The following HDAC4 variants were observed in gnomAD, a reference collection of about 807,000 sequenced individuals.
HDAC4 encodes the protein histone deacetylase A.
HDAC4 carries 16 observed loss-of-function variants against 135.1 expected under a neutral mutation model. That is an observed-to-expected ratio of 0.12 (90% CI 0.08 to 0.18). The LOEUF is 0.18. Ranked by LOEUF, HDAC4 falls within the 10% of genes least tolerant of loss-of-function variation. HDAC4 has a pLI of 1.00. For missense variants in HDAC4, 1,143 were observed against 1,511.8 expected (o/e 0.76, Z 4.05); for synonymous variants, 685 against 653.4 (o/e 1.05, Z -0.74).
Position 239,280,522 on chromosome 2 carries a change from C to T in HDAC4, c.23-43858G>A, listed in dbSNP as rs535502867. ...GACCCGGGCACTGCACGCCTCCCCA[C>T]CTGGTCCCAAATGCTGAAGCCTCCA... On this transcript the variant is annotated intron_variant, in intron 2 of 26. Coordinates refer to ENST00000543185, the MANE Select transcript of HDAC4 (RefSeq NM_001378414.1). Among the ~76,000 whole-genome samples, 2 of 152,314 alleles carry T rather than the reference C, an allele frequency of 1.3e-5. 1 individual carries two copies. The highest frequency in any genetic ancestry group is 4.1e-4 in the South Asian group (2 of 4,832).
intron 2 of HDAC4, among the ~76,000 whole-genome samples, chr2:239,312,109 C>T (rs1308999856): frequency 1.3e-5 from 2 of 152,246 alleles, no homozygotes; most frequent in Non-Finnish European, 2.9e-5. Flanking sequence ...GCTGACATCA[C>T]TGTCACCATC....
intron 1 of HDAC4, among the ~76,000 whole-genome samples, chr2:239,394,015 C>T: frequency 7.0e-6 from 1 of 142,372 alleles, no homozygotes; most frequent in Non-Finnish European, 1.5e-5. Context: ...GTGGAGATAC[C>T]ACAGAAACTT....
chr2:239,150,568 A>G (rs11680120), intron 7 of HDAC4, among the ~76,000 whole-genome samples: 324 of 103,512 alleles, frequency 3.1e-3, no homozygotes, highest in Middle Eastern at 5.4e-3. Context: ...CCTCAAGTAT[A>G]TACCACACCT....
At chr2:239,198,147 C>T (rs2045526010) in intron 3 of HDAC4, among the ~76,000 whole-genome samples, 1 of 152,120 alleles carries the variant, frequency 6.6e-6, no homozygotes, top group Admixed American at 6.5e-5. Context: ...AGCCTGGTGA[C>T]AAGTTTTCTT....
intron 21 of HDAC4, among the ~76,000 whole-genome samples, 185 bp from the exon 22 acceptor site, chr2:239,081,377 C>A (rs1046367315): frequency 6.6e-6 from 1 of 152,210 alleles, no homozygotes; most frequent in Non-Finnish European, 1.5e-5. Flanking sequence ...CTGACAGGGG[C>A]ACACTGACAT....
Position 239,262,591 on chromosome 2 carries a change from C to T in HDAC4, c.23-25927G>A, listed in dbSNP as rs144166727. ...AGAGCCTGGCTCTGACACTCTTGGC[C>T]AAATGTCCCCATCCTCAGCCTGGCT... is the stretch of plus-strand genomic sequence containing the variant. On this transcript the variant is annotated intron_variant, in intron 2 of 26. Coordinates refer to ENST00000543185, the MANE Select transcript of HDAC4 (RefSeq NM_001378414.1). This position sits in a 1 kb window ranked among gnomAD's most constrained non-coding sequence, Gnocchi z 4.1. 3.9e-5 allele frequency among the ~76,000 whole-genome samples: 6 copies of T among 152,312 alleles called. No homozygotes were observed. Among genetic ancestry groups the T allele is most frequent in the African/African-American group, 9.6e-5 (4 of 41,570 alleles).
chr2:239,185,018 G>A (rs2044446082), intron 4 of HDAC4, among the ~76,000 whole-genome samples: 1 of 105,790 alleles, frequency 9.5e-6, no homozygotes, highest in African/African-American at 3.4e-5. Flanking sequence ...GTCTGCCCTG[G>A]AGGGCTGTGC....
At position 239,156,683 on chromosome 2, in the gene HDAC4, G is replaced by A. The variant is rs371428076; in HGVS notation, c.702C>T (p.Asp234=). The change falls in exon 7 of 27, where the codon GAC becomes GAT. Residue 234 remains aspartate (D), a synonymous_variant. Coordinates refer to ENST00000543185, the MANE Select transcript of HDAC4 (RefSeq NM_001378414.1). ...TCCTAAGAGGGAAGTCATCTTTGGC[G>A]TCGTACATTCCCAGGACCGGGTGGT... ...SYNHPVLGMY[D]AKDDFPLRKT... 23 of 1,614,020 alleles carry A rather than the reference G, an allele frequency of 1.4e-5. No individual in the cohort carries two copies. The highest frequency in any genetic ancestry group is 1.6e-4 in the Middle Eastern group (1 of 6,084).
chr2:239,353,442 A>C (rs1693293933), intron 1 of HDAC4, among the ~76,000 whole-genome samples: 1 of 152,212 alleles, frequency 6.6e-6, no homozygotes, highest in Non-Finnish European at 1.5e-5. Flanking sequence ...TCCAGAGAGC[A>C]GGGTTTCTCA....
chr2:239,131,725 T>C (rs2040598603), intron 11 of HDAC4, among the ~76,000 whole-genome samples: 1 of 152,226 alleles, frequency 6.6e-6, no homozygotes, highest in Non-Finnish European at 1.5e-5. Context: ...TCCAGGCCAG[T>C]GCCGCCCTGC....
At position 239,400,253 on chromosome 2, in the gene HDAC4, G is replaced by C. The variant is rs1249445594; in HGVS notation, c.-220+725C>G. The C allele has an allele frequency of 6.6e-6, 1 of 151,340 alleles. No homozygotes were observed. The highest frequency in any genetic ancestry group is 1.5e-5 in the Non-Finnish European group (1 of 67,744). The allele number at this position is 151,340 out of a possible 1,614,324, so 9.4% of individuals were successfully genotyped here. A position where few individuals can be genotyped will look rare whatever the true frequency, so the allele number is the denominator to read the frequency against. On this transcript the variant is annotated intron_variant, in intron 1 of 26. Coordinates refer to ENST00000543185, the MANE Select transcript of HDAC4 (RefSeq NM_001378414.1). The surrounding 1 kb of genome is among the most constrained non-coding windows in gnomAD (Gnocchi z 4.7). ...CAGCGGCGACGACAAGCGCGGGGCC[G>C]CGGACCCCCGGCAGGGACGTTTTTC...
At chr2:239,358,303 C>G (rs920551620) in intron 1 of HDAC4, among the ~76,000 whole-genome samples, 2 of 152,246 alleles carry the variant, frequency 1.3e-5, no homozygotes, top group Admixed American at 6.5e-5. Context: ...TGTTATTAGT[C>G]CCATACTGCC....
At position 239,068,538 on chromosome 2, in the gene HDAC4, G is replaced by A. The variant is rs139744175; in HGVS notation, c.2820C>T (p.Ala940=). 13 of 1,613,908 alleles carry A rather than the reference G, an allele frequency of 8.1e-6. No homozygotes were observed. The highest frequency in any genetic ancestry group is 9.3e-6 in the Non-Finnish European group (11 of 1,180,016). The change falls in exon 23 of 27, where the codon GCC becomes GCT. Residue 940 remains alanine (A), a synonymous_variant. Coordinates refer to ENST00000543185, the MANE Select transcript of HDAC4 (RefSeq NM_001378414.1). This position sits in a 1 kb window ranked among gnomAD's most constrained non-coding sequence, Gnocchi z 4.4. ...CAAGAGGGGTGGGGTGGCCCTCCAC[G>A]GCATCGAAGCCTGATGACACCAGCA... ...DVVLVSSGFD[A]VEGHPTPLGG...
intron 16 of HDAC4, among the ~76,000 whole-genome samples, chr2:239,099,740 G>A (rs1246125574): frequency 6.6e-6 from 1 of 152,198 alleles, no homozygotes; most frequent in Admixed American, 6.5e-5. Context: ...CCCAAGGAGC[G>A]CGTGCCCCCT....
chr2:239,355,831 C>G (rs1418973781), intron 1 of HDAC4, among the ~76,000 whole-genome samples: 2 of 152,192 alleles, frequency 1.3e-5, no homozygotes, highest in African/African-American at 4.8e-5. Flanking sequence ...TTATGCTTCT[C>G]AAAGCTATAA....
intron 6 of HDAC4, among the ~76,000 whole-genome samples, chr2:239,159,961 T>A (rs1290899849): frequency 6.6e-6 from 1 of 152,270 alleles, no homozygotes; most frequent in Non-Finnish European, 1.5e-5. Flanking sequence ...AATACTGTTT[T>A]CTTCTAAACA....
chr2:239,310,689 C>T (rs931204886), intron 2 of HDAC4, among the ~76,000 whole-genome samples: 2 of 152,186 alleles, frequency 1.3e-5, no homozygotes, highest in Non-Finnish European at 2.9e-5. Context: ...ACAGAGGTCC[C>T]AAAACACAGA....
At chr2:239,356,606 A>G (rs1666310299) in intron 1 of HDAC4, among the ~76,000 whole-genome samples, 1 of 152,272 alleles carries the variant, frequency 6.6e-6, no homozygotes, top group African/African-American at 2.4e-5. Flanking sequence ...AGAAAGCTGT[A>G]ATGGTTATAT....
intron 2 of HDAC4, among the ~76,000 whole-genome samples, chr2:239,276,053 C>T (rs1300785924): frequency 3.3e-5 from 5 of 152,308 alleles, no homozygotes; most frequent in African/African-American, 9.6e-5. Flanking sequence ...GGGGCTGGGA[C>T]TGCCCTGGGG....
Sources: allele counts gnomAD v4.1 joint callset (sites outside exome capture counted in the v4.1 genomes callset), GRCh38; gene constraint gnomAD v4.1.1; non-coding constraint Gnocchi (gnomAD v3.1); transcripts MANE v1.5; gene names NCBI Gene and HGNC (gene_info 2026-07-23, HGNC 2026-07-21).